RMND5A: variants seen among roughly 807,000 people sequenced by gnomAD.
The protein encoded by RMND5A is E3 ubiquitin-protein transferase RMND5A.
In RMND5A, 17 loss-of-function variants were observed where a neutral mutation model predicts 49.7. The observed-to-expected ratio is 0.34, with a 90% confidence interval of 0.23 to 0.51. The LOEUF (loss-of-function observed/expected upper bound fraction) is 0.51. Ranked by LOEUF, RMND5A falls within the 20% of genes least tolerant of loss-of-function variation. The pLI is 0.96. For missense variants in RMND5A, 255 were observed against 471.3 expected, an observed-to-expected ratio of 0.54 and a Z score of 4.25; for synonymous variants, 156 against 167.7, an observed-to-expected ratio of 0.93 and a Z score of 0.54.
intron 2 of RMND5A, among the ~76,000 whole-genome samples, chr2:86,742,914 A>G (rs1005649737): frequency 1.3e-5 from 2 of 151,988 alleles, no homozygotes; most frequent in Admixed American, 6.6e-5. Flanking sequence ...CTCAGCAACT[A>G]TAATTCTAGT....
chr2:86,769,590 T>G (rs1672655960), intron 6 of RMND5A, among the ~76,000 whole-genome samples: 1 of 152,212 alleles, frequency 6.6e-6, no homozygotes, highest in Non-Finnish European at 1.5e-5. Flanking sequence ...TCTCCAAAGC[T>G]GCTTTCTTTT....
chr2:86,744,113 C>T (rs990281269), intron 2 of RMND5A, among the ~76,000 whole-genome samples: 2 of 152,102 alleles, frequency 1.3e-5, no homozygotes, highest in African/African-American at 4.8e-5. Context: ...TTTCAGTACA[C>T]ACTCTCCCCG....
In RMND5A at chr2:86,749,592, G is replaced by T. The variant is rs563889524; in HGVS notation, c.286-2304G>T. ...TTTAGTAGAGACGAGGTTTCACCATGTTGGCCAGGTTGGTCTTGAACTCCT... is the reference window on the plus strand; with the variant it reads ...TTTAGTAGAGACGAGGTTTCACCATTTTGGCCAGGTTGGTCTTGAACTCCT... On this transcript the variant is annotated intron_variant, in intron 2 of 8. Transcript: ENST00000283632. Among the ~76,000 whole-genome samples, 3 of 152,152 alleles carry T rather than the reference G, an allele frequency of 2.0e-5. No individual in the cohort carries two copies. In the South Asian group the frequency reaches 6.2e-4, roughly 32 times the overall value.
At chr2:86,761,047 C>T (rs961421388) in intron 4 of RMND5A, among the ~76,000 whole-genome samples, 1 of 150,466 alleles carries the variant, frequency 6.6e-6, no homozygotes, top group African/African-American at 2.5e-5. Context: ...TAATAGTTGC[C>T]TTATTGAAAG....
intron 6 of RMND5A, 100 bp from the exon 7 acceptor site, chr2:86,769,923 A>G (rs1466674125): frequency 3.9e-6 from 3 of 773,536 alleles, no homozygotes; most frequent in African/African-American, 3.5e-5. Context: ...TCCAGTGGCC[A>G]GGGTCTGCAG....
intron 6 of RMND5A, among the ~76,000 whole-genome samples, chr2:86,769,796 G>T (rs968244069): frequency 3.9e-5 from 6 of 152,038 alleles, no homozygotes; most frequent in South Asian, 2.1e-4. Flanking sequence ...TTGGTTTTCA[G>T]TAACTTCAGG....
chr2:86,759,667 G>C (rs1681812478), intron 4 of RMND5A, among the ~76,000 whole-genome samples: 1 of 150,654 alleles, frequency 6.6e-6, no homozygotes, highest in South Asian at 2.1e-4. Context: ...AGGCGCGGTG[G>C]TGAGCACCTG....
At chr2:86,753,880 ATATT>A (rs1639493606) in intron 4 of RMND5A, among the ~76,000 whole-genome samples, 1 of 152,176 alleles carries the variant, frequency 6.6e-6, no homozygotes, top group Non-Finnish European at 1.5e-5. Flanking sequence ...TGCAAGTTTG[ATATT>A]TAAGCTTCCT....
intron 3 of RMND5A, among the ~76,000 whole-genome samples, chr2:86,752,899 A>AT (rs1558723002): frequency 6.6e-6 from 1 of 152,208 alleles, no homozygotes. Context: ...CCTTACAGGG[A>AT]TTTTGTGTAT....
In RMND5A at chr2:86,743,926, C is replaced by T. The variant is rs1348539829; in HGVS notation, c.285+2857C>T. 2.7e-5 allele frequency among the ~76,000 whole-genome samples: 4 copies of T among 149,960 alleles called. No individual in the cohort carries two copies. In the East Asian group the frequency reaches 5.9e-4, roughly 22 times the overall value. On this transcript the variant is annotated intron_variant, in intron 2 of 8. Coordinates refer to ENST00000283632, the MANE Select transcript of RMND5A (RefSeq NM_022780.4). Reference sequence around the variant, plus strand: ...CTGGGAGGCGGAGGTTGCAGTGAGTCGAGATTGCACCACTGCACTCCAGTC... The same window carrying T: ...CTGGGAGGCGGAGGTTGCAGTGAGTTGAGATTGCACCACTGCACTCCAGTC...
At chr2:86,762,602 G>A (rs1291502161) in intron 4 of RMND5A, among the ~76,000 whole-genome samples, 1 of 150,048 alleles carries the variant, frequency 6.7e-6, no homozygotes, top group African/African-American at 2.5e-5. Flanking sequence ...CTGAGATCTT[G>A]CCACTGCACT....
At chr2:86,767,108 G>C (rs1454003724) in intron 6 of RMND5A, among the ~76,000 whole-genome samples, 3 of 151,972 alleles carry the variant, frequency 2.0e-5, no homozygotes, top group African/African-American at 7.3e-5. Context: ...TCTGTCCCCT[G>C]GCTGGAGTGT....
At chr2:86,748,378 A>G (rs921025532) in intron 2 of RMND5A, 3 of 152,250 alleles carry the variant, frequency 2.0e-5, no homozygotes, top group Non-Finnish European at 4.4e-5. Flanking sequence ...GAAAATCAGA[A>G]TGGTAGAAGG....
intron 1 of RMND5A, among the ~76,000 whole-genome samples, chr2:86,735,063 G>T (rs1289999271): frequency 1.3e-5 from 2 of 149,450 alleles, no homozygotes; most frequent in African/African-American, 5.2e-5. Flanking sequence ...GTTCATCTGT[G>T]TCATAGTATG....
At position 86,765,858 on chromosome 2, in the gene RMND5A, G is replaced by A; in HGVS notation, c.689-1G>A. ...TGCTTTCTTGCTGGTGCTTTTTTTA[G>A]ACATTCAGGTTTTGATGGGAAGCCT... On this transcript the variant is annotated splice_acceptor_variant, in intron 5 of 8. Transcript: ENST00000283632. LOFTEE classifies it high-confidence loss of function. The A allele has an allele frequency of 6.2e-7, 1 of 1,610,852 alleles. No individual in the cohort carries two copies. Among genetic ancestry groups the A allele is most frequent in the Non-Finnish European group, 8.5e-7 (1 of 1,178,826 alleles).
Position 86,771,597 on chromosome 2 carries a change from A to G in RMND5A, c.997A>G (p.Ile333Val), listed in dbSNP as rs773902033. 6 of 1,611,248 alleles carry G rather than the reference A, an allele frequency of 3.7e-6. No individual in the cohort carries two copies. The highest frequency in any genetic ancestry group is 2.2e-5 in the East Asian group (1 of 44,792). The change falls in exon 8 of 9, where the codon ATA becomes GTA. Residue 333 changes from isoleucine (I) to valine (V), a missense_variant. Around this residue, in one of 3 missense-constraint regions of RMND5A, gnomAD observed 208 missense variants for 339.8 expected, o/e 0.61. Coordinates refer to ENST00000283632, the MANE Select transcript of RMND5A (RefSeq NM_022780.4). ...TGGTAAAAAGTGCTGGTATCACTCT[A>G]TATTTGCCTGCCCCATTCTTCGTCA... ...DLGKKCWYHS[I>V]FACPILRQQT...
chr2:86,758,051 T>G (rs1473692813), intron 4 of RMND5A, among the ~76,000 whole-genome samples: 1 of 152,212 alleles, frequency 6.6e-6, no homozygotes, highest in Non-Finnish European at 1.5e-5. Flanking sequence ...CAGTTCAGAC[T>G]TCATTCACTG....
At chr2:86,769,899 A>T in intron 6 of RMND5A, 124 bp from the exon 7 acceptor site, 2 of 656,804 alleles carry the variant, frequency 3.0e-6, no homozygotes, top group Non-Finnish European at 5.4e-6. Flanking sequence ...GCAGAACAGA[A>T]AGCTCTCACC....
At chr2:86,742,914 A>C (rs1005649737) in intron 2 of RMND5A, among the ~76,000 whole-genome samples, 3 of 151,988 alleles carry the variant, frequency 2.0e-5, no homozygotes, top group African/African-American at 7.3e-5. Flanking sequence ...CTCAGCAACT[A>C]TAATTCTAGT....
Sources: allele counts gnomAD v4.1 joint callset (sites outside exome capture counted in the v4.1 genomes callset), GRCh38; gene constraint gnomAD v4.1.1; regional missense constraint gnomAD v4.1.1; transcripts MANE v1.5; gene names NCBI Gene and HGNC (gene_info 2026-07-23, HGNC 2026-07-21).